Variants in ITFG1 observed in about 807,000 individuals in gnomAD.
ITFG1 encodes integrin alpha FG-GAP repeat containing 1.
In ITFG1, 34 loss-of-function variants were observed where a neutral mutation model predicts 81.8. The ratio of observed to expected loss-of-function variants is 0.42; its 90% CI spans 0.32 to 0.55. The LOEUF is 0.55. ITFG1 is among the 20% of genes least tolerant of loss of function. The pLI is 0.17. For synonymous variants in ITFG1, 285 were observed against 270.6 expected (o/e 1.05, Z -0.52); for missense variants, 672 against 755.4 (o/e 0.89, Z 1.29).
chr16:47,179,554 A>G (rs909619415), intron 14 of ITFG1, among the ~76,000 whole-genome samples: 3 of 152,212 alleles, frequency 2.0e-5, no homozygotes, highest in Admixed American at 6.5e-5. Flanking sequence ...GTACTGAGTA[A>G]AGTCACTAAA....
At chr16:47,329,503 G>C (rs932384911) in intron 8 of ITFG1, among the ~76,000 whole-genome samples, 1 of 152,020 alleles carries the variant, frequency 6.6e-6, no homozygotes, top group Non-Finnish European at 1.5e-5. Flanking sequence ...TGTTGCCTTG[G>C]GAAAGTTATT....
chr16:47,259,060 T>C (rs950688860), intron 11 of ITFG1, among the ~76,000 whole-genome samples: 3 of 152,328 alleles, frequency 2.0e-5, no homozygotes, highest in African/African-American at 4.8e-5. Flanking sequence ...TTTCCAACCA[T>C]CAGGGGGAGT....
At chr16:47,213,438 T>C (rs1221212907) in intron 14 of ITFG1, among the ~76,000 whole-genome samples, 1 of 152,204 alleles carries the variant, frequency 6.6e-6, no homozygotes, top group Non-Finnish European at 1.5e-5. Flanking sequence ...GTTGATGATA[T>C]TGCTGAGTTC....
At position 47,311,263 on chromosome 16, in the gene ITFG1, G is replaced by T; in HGVS notation, c.1047C>A (p.Val349=). 1 of 1,611,156 alleles carries T rather than the reference G, an allele frequency of 6.2e-7. No individual in the cohort carries two copies. Among genetic ancestry groups the T allele is most frequent in the South Asian group, 1.1e-5 (1 of 90,650 alleles). ...YNMDGYPDAL[V]ILKNTSGSNQ... is the part of the protein sequence containing the mutation. ...ACCTTCCAGATGTGTTCTTTAGTAT[G>T]ACCAGAGCGTCTGGATAGCCATCCA... Residue 349 remains valine (V), a synonymous_variant, in exon 10 of 18, where the codon GTC becomes GTA. Coordinates refer to ENST00000320640, the MANE Select transcript of ITFG1 (RefSeq NM_030790.5).
At chr16:47,218,038 CTTAAATGTGTGCAA>C (rs2151526778) in intron 14 of ITFG1, 1 of 152,310 alleles carries the variant, frequency 6.6e-6, no homozygotes, top group Non-Finnish European at 1.5e-5. Flanking sequence ...AACTGAGACT[CTTAAATGTGTGCAA>C]TTAGCTAAAA....
In ITFG1 at chr16:47,186,706, A is replaced by T. The variant is rs541720793; in HGVS notation, c.1454-24042T>A. Among the ~76,000 whole-genome samples, 215 of 152,374 alleles carry T rather than the reference A, an allele frequency of 1.4e-3. 1 individual carries two copies. The highest frequency in any genetic ancestry group is 3.5e-4 in the Non-Finnish European group (24 of 68,040). ...TTCCCTTTGAAAACAGGCACAAGAC[A>T]GGGATGCCCTCTCTCACCACTCCTT... is the stretch of plus-strand genomic sequence containing the variant. On this transcript the variant is annotated intron_variant, in intron 14 of 17. Coordinates refer to ENST00000320640, the MANE Select transcript of ITFG1 (RefSeq NM_030790.5).
intron 6 of ITFG1, among the ~76,000 whole-genome samples, chr16:47,387,493 C>A (rs1211399241): frequency 6.6e-6 from 1 of 152,134 alleles, no homozygotes; most frequent in Non-Finnish European, 1.5e-5. Context: ...AAGCCAGCCT[C>A]CTTTGGTGCT....
Position 47,260,628 on chromosome 16 carries a change from T to C in ITFG1, c.1138A>G (p.Met380Val), listed in dbSNP as rs1966198190. Reference sequence around the variant, plus strand: ...GTCAGCTCCCAGTAGACTTTAAACATTCGACGCGCCTCTTCACAGCTTGCA... The same window carrying C: ...GTCAGCTCCCAGTAGACTTTAAACACTCGACGCGCCTCTTCACAGCTTGCA... ...NNASCEEARR[M>V]FKVYWELTDL... The change falls in exon 11 of 18, where the codon ATG becomes GTG. Residue 380 changes from methionine to valine, a missense_variant. Coordinates refer to ENST00000320640, the MANE Select transcript of ITFG1 (RefSeq NM_030790.5). 19 of 1,614,170 alleles carry C rather than the reference T, an allele frequency of 1.2e-5. No individual in the cohort carries two copies. Among genetic ancestry groups the C allele is most frequent in the Non-Finnish European group, 1.5e-5 (18 of 1,180,028 alleles).
At chr16:47,372,463 T>C (rs1172111353) in intron 7 of ITFG1, among the ~76,000 whole-genome samples, 1 of 151,874 alleles carries the variant, frequency 6.6e-6, no homozygotes, top group East Asian at 1.9e-4. Flanking sequence ...CTCTTTTTTT[T>C]TTTTTTATTT....
chr16:47,211,133 C>T (rs1307453822), intron 14 of ITFG1, among the ~76,000 whole-genome samples: 4 of 152,194 alleles, frequency 2.6e-5, no homozygotes, highest in Non-Finnish European at 5.9e-5. Context: ...ATATCTCTCT[C>T]TGTTAAATCT....
chr16:47,428,717 T>G, intron 6 of ITFG1, 87 bp downstream of exon 6: 1 of 811,930 alleles, frequency 1.2e-6, no homozygotes, highest in South Asian at 1.5e-5. Context: ...ATTTACTTCA[T>G]TAGCAATTAA....
chr16:47,423,491 A>G (rs1384746379), intron 6 of ITFG1, among the ~76,000 whole-genome samples: 1 of 151,930 alleles, frequency 6.6e-6, no homozygotes, highest in African/African-American at 2.4e-5. Context: ...CTCGCTGGTT[A>G]TTTTGCCCGT....
At chr16:47,459,464 T>C (rs1441271839) in intron 1 of ITFG1, among the ~76,000 whole-genome samples, 1 of 152,224 alleles carries the variant, frequency 6.6e-6, no homozygotes, top group East Asian at 1.9e-4. Context: ...ATTGGTTGAC[T>C]TAAAAGAACC....
chr16:47,448,959 G>C (rs1969354689), intron 5 of ITFG1: 1 of 152,092 alleles, frequency 6.6e-6, no homozygotes, highest in Non-Finnish European at 1.5e-5. Flanking sequence ...TAGATGCAGT[G>C]AGTGCCCTTC....
intron 16 of ITFG1, chr16:47,161,459 T>C (rs989798335): frequency 4.9e-6 from 1 of 203,654 alleles, no homozygotes; most frequent in African/African-American, 2.3e-5. Context: ...TCCTGAAAGT[T>C]TGAATTTATA....
chr16:47,268,725 G>A (rs749334212), intron 10 of ITFG1, among the ~76,000 whole-genome samples: 6 of 152,158 alleles, frequency 3.9e-5, no homozygotes, highest in Non-Finnish European at 5.9e-5. Context: ...CACACAGAGA[G>A]GACATATTTC....
intron 6 of ITFG1, among the ~76,000 whole-genome samples, chr16:47,409,397 TATATATA>T (rs1347337640): frequency 5.9e-4 from 11 of 18,690 alleles, no homozygotes; most frequent in African/African-American, 6.8e-4. Context: ...TATATATATA[TATATATA>T]TTTTTTTTTT....
intron 7 of ITFG1, among the ~76,000 whole-genome samples, chr16:47,373,234 C>T (rs1295678436): frequency 6.6e-6 from 1 of 152,148 alleles, no homozygotes; most frequent in Admixed American, 6.5e-5. Flanking sequence ...TTTCTCACTT[C>T]CAAATCACTA....
At position 47,155,573 on chromosome 16, in the gene ITFG1, C is replaced by G; in HGVS notation, c.*146G>C. 1.6e-6 allele frequency: 1 copy of G among 612,944 alleles called. No individual in the cohort carries two copies. Among genetic ancestry groups the G allele is most frequent in the Non-Finnish European group, 2.8e-6 (1 of 356,420 alleles). The allele number at this position is 612,944 out of a possible 1,614,324, so 38.0% of individuals were successfully genotyped here. On this transcript the variant is annotated 3_prime_UTR_variant, in exon 18 of 18. Transcript: ENST00000320640. ...AAAAAGACCTTGTGACATATTCAAA[C>G]CATATTTATTTGAATACTTTCCAAT...
Sources: gnomAD v4.1 joint callset for allele counts (sites outside exome capture counted in the v4.1 genomes callset) on GRCh38, gnomAD v4.1.1 for gene constraint, MANE v1.5 for transcripts, NCBI Gene and HGNC (gene_info 2026-07-23, HGNC 2026-07-21) for gene names.